The following TUBGCP2 variants were observed in gnomAD, a reference collection of about 807,000 sequenced individuals.
The protein encoded by TUBGCP2 is gamma-tubulin complex component 2.
Under a neutral mutation model 92.2 loss-of-function variants are expected in TUBGCP2, and 55 were observed. The observed-to-expected ratio is 0.60, with a 90% CI of 0.48 to 0.75. The LOEUF (loss-of-function observed/expected upper bound fraction) is 0.75. TUBGCP2 is among the 30% of genes least tolerant of loss of function. The pLI is 0.00. For synonymous variants in TUBGCP2, 533 were observed against 505.2 expected (o/e 1.06, Z -0.74); for missense variants, 1,093 against 1,188.9 (o/e 0.92, Z 1.19).
At chr10:133,309,938 C>A, upstream of TUBGCP2, 3 of 1,613,466 alleles carry the variant, frequency 1.9e-6, no homozygotes, top group Non-Finnish European at 2.5e-6. Context: ...TGGAGTGGCA[C>A]GATTCGCTCT....
intron 13 of TUBGCP2, 96 bp from the exon 14 acceptor site, chr10:133,284,098 GT>G: frequency 6.5e-7 from 1 of 1,538,394 alleles, no homozygotes; most frequent in Non-Finnish European, 8.8e-7. Flanking sequence ...CATGGAGGAC[GT>G]TCTCTGGACG....
At chr10:133,290,947 A>G (rs1459863012) in intron 8 of TUBGCP2, 1 of 156,438 alleles carries the variant, frequency 6.4e-6, no homozygotes, top group Non-Finnish European at 1.4e-5. Context: ...ATCTTGACGT[A>G]ATAGACATAA....
chr10:133,306,713 G>A (rs897983326), intron 1 of TUBGCP2, among the ~76,000 whole-genome samples: 3 of 152,144 alleles, frequency 2.0e-5, no homozygotes, highest in East Asian at 3.8e-4. Context: ...GCATGAACCC[G>A]AGAGGCGGAG....
At chr10:133,303,493 G>A (rs756623844) in intron 1 of TUBGCP2, among the ~76,000 whole-genome samples, 5 of 152,192 alleles carry the variant, frequency 3.3e-5, no homozygotes, top group African/African-American at 7.2e-5. Flanking sequence ...TCTGCTGCTC[G>A]CCTCGGCTTG....
chr10:133,299,100 T>C (rs957460127), intron 4 of TUBGCP2, among the ~76,000 whole-genome samples: 1 of 151,994 alleles, frequency 6.6e-6, no homozygotes, highest in East Asian at 1.9e-4. Flanking sequence ...TGTCAAAAAT[T>C]GGAGGAGGGA....
intron 13 of TUBGCP2, among the ~76,000 whole-genome samples, chr10:133,284,620 CA>C (rs1847082932): frequency 6.6e-6 from 1 of 152,232 alleles, no homozygotes; most frequent in African/African-American, 2.4e-5. Context: ...CTCAGCTTCC[CA>C]AAGTGCTGAG....
At chr10:133,305,478 G>C (rs1847789436) in intron 1 of TUBGCP2, among the ~76,000 whole-genome samples, 1 of 152,182 alleles carries the variant, frequency 6.6e-6, no homozygotes, top group South Asian at 2.1e-4. Context: ...CTTGGTGGTA[G>C]TGGTTCCCCG....
chr10:133,297,565 T>C (rs1847519616), intron 5 of TUBGCP2, among the ~76,000 whole-genome samples: 1 of 152,318 alleles, frequency 6.6e-6, no homozygotes, highest in South Asian at 2.1e-4. Flanking sequence ...TGTAACAGAA[T>C]CTATGGGAGT....
At chr10:133,297,562 G>C (rs1283008235) in intron 5 of TUBGCP2, among the ~76,000 whole-genome samples, 3 of 152,236 alleles carry the variant, frequency 2.0e-5, no homozygotes, top group Non-Finnish European at 2.9e-5. Flanking sequence ...TGCTGTAACA[G>C]AATCTATGGG....
intron 7 of TUBGCP2, 131 bp downstream of exon 7, chr10:133,292,908 A>G (rs1847394341): frequency 1.7e-6 from 2 of 1,169,598 alleles, no homozygotes; most frequent in Non-Finnish European, 2.4e-6. Flanking sequence ...ATGGAGCAAC[A>G]TGAGCTTTGG....
upstream of TUBGCP2, among the ~76,000 whole-genome samples, chr10:133,310,778 C>T (rs1414953514): frequency 6.6e-6 from 1 of 152,106 alleles, no homozygotes; most frequent in Non-Finnish European, 1.5e-5. Context: ...GCCTAGAGTG[C>T]ACTCTGGGAA....
chr10:133,302,461 CT>C (rs1264595838), intron 2 of TUBGCP2: 1 of 350,370 alleles, frequency 2.9e-6, no homozygotes, highest in Non-Finnish European at 5.4e-6. Flanking sequence ...ACCCTGCCCC[CT>C]GCACCAGAGG....
intron 8 of TUBGCP2, 61 bp from the exon 9 acceptor site, chr10:133,290,030 C>G: frequency 1.3e-6 from 2 of 1,594,102 alleles, no homozygotes; most frequent in Non-Finnish European, 1.7e-6. Context: ...GCAGGCGACA[C>G]TTCTCCAGGC....
At chr10:133,309,196 G>C, upstream of TUBGCP2, 5 of 1,374,060 alleles carry the variant, frequency 3.6e-6, no homozygotes, top group Non-Finnish European at 4.8e-6. Context: ...CTACGACTGC[G>C]GGGCGGGGCC....
intron 6 of TUBGCP2, 58 bp downstream of exon 6, chr10:133,293,504 G>T: frequency 6.6e-7 from 1 of 1,524,032 alleles, no homozygotes; most frequent in Non-Finnish European, 8.9e-7. Context: ...CATCAGGATG[G>T]GACCTAACCC....
rs1384879156 is a variant in TUBGCP2 at position 133,279,643 on chromosome 10, A to G, written c.*123T>C. 5.9e-5 allele frequency: 80 copies of G among 1,355,340 alleles called. No homozygotes were observed. The highest frequency in any genetic ancestry group is 7.4e-5 in the Non-Finnish European group (77 of 1,044,476). The allele number at this position is 1,355,340 out of a possible 1,614,324, so 84.0% of individuals were successfully genotyped here. A position where few individuals can be genotyped will look rare whatever the true frequency, so the allele number is the denominator to read the frequency against. On this transcript the variant is annotated 3_prime_UTR_variant, in exon 18 of 18. Coordinates refer to ENST00000252936, the MANE Select transcript of TUBGCP2 (RefSeq NM_006659.4). ...TTGAGAAACAAAGTGAGCTGAGTCA[A>G]TCATTCCTGCTTTATATTTAAACTG...
At chr10:133,309,390 G>A, upstream of TUBGCP2, 1 of 1,611,336 alleles carries the variant, frequency 6.2e-7, no homozygotes, top group Non-Finnish European at 8.5e-7. Context: ...TTTCCTGCAG[G>A]ATGGGGACGT....
chr10:133,310,298 C>T (rs746442347), upstream of TUBGCP2: 28 of 1,613,754 alleles, frequency 1.7e-5, no homozygotes, highest in Middle Eastern at 3.3e-4. Context: ...GGTAGGGAGC[C>T]GCCAGGCTCA....
chr10:133,288,033 C>A, intron 11 of TUBGCP2, 96 bp downstream of exon 11: 1 of 1,446,172 alleles, frequency 6.9e-7, no homozygotes, highest in Admixed American at 2.5e-5. Flanking sequence ...CTCACCGGGA[C>A]GGGGAGTGGG....
Sources: gnomAD v4.1 joint callset for allele counts (sites outside exome capture counted in the v4.1 genomes callset) on GRCh38, gnomAD v4.1.1 for gene constraint, MANE v1.5 for transcripts, NCBI Gene and HGNC (gene_info 2026-07-23, HGNC 2026-07-21) for gene names.